TAFA2: variants seen among roughly 807,000 people sequenced by gnomAD.
TAFA2 encodes TAFA chemokine like family member 2.
Under a neutral mutation model 18.8 loss-of-function variants are expected in TAFA2, and 7 were observed. The observed-to-expected ratio is 0.37, with a 90% CI of 0.21 to 0.70. The LOEUF is 0.70. Among genes scored for constraint, TAFA2 ranks in the 30% least tolerant of loss-of-function variants. The pLI is 0.53. For missense variants in TAFA2, 122 were observed against 158.1 expected (o/e 0.77, Z 1.23); for synonymous variants, 60 against 54.2 (o/e 1.11, Z -0.47).
intron 1 of TAFA2, among the ~76,000 whole-genome samples, chr12:62,146,276 C>T (rs1028996978): frequency 6.0e-5 from 8 of 133,744 alleles, no homozygotes; most frequent in Non-Finnish European, 1.2e-4. Context: ...GCTTTCTCCC[C>T]TTTGCTGCTT....
chr12:62,210,617 G>A (rs1183802020), intron 1 of TAFA2, among the ~76,000 whole-genome samples: 1 of 152,124 alleles, frequency 6.6e-6, no homozygotes, highest in Non-Finnish European at 1.5e-5. Flanking sequence ...TCATGCCAGA[G>A]GTTCCGGAGT....
intron 1 of TAFA2, among the ~76,000 whole-genome samples, chr12:61,992,035 T>C (rs959078540): frequency 4.6e-5 from 7 of 152,218 alleles, no homozygotes; most frequent in Non-Finnish European, 8.8e-5. Flanking sequence ...AACTCAGGTC[T>C]TGATCCTCAC....
intron 1 of TAFA2, among the ~76,000 whole-genome samples, chr12:62,001,161 T>A (rs904013727): frequency 6.6e-6 from 1 of 152,106 alleles, no homozygotes; most frequent in South Asian, 2.1e-4. Context: ...TTGCTAAAAT[T>A]TTTTGTTCCT....
intron 1 of TAFA2, among the ~76,000 whole-genome samples, chr12:62,075,678 G>A (rs75467219): frequency 1.3e-5 from 2 of 152,060 alleles, no homozygotes; most frequent in Admixed American, 6.6e-5. Flanking sequence ...ACACATACAC[G>A]CATATATATA....
chr12:62,081,072 G>A (rs1212568902), intron 1 of TAFA2, among the ~76,000 whole-genome samples: 3 of 151,952 alleles, frequency 2.0e-5, no homozygotes, highest in Admixed American at 6.6e-5. Context: ...GGGGGCGCCT[G>A]TAGTCCCAGC....
intron 1 of TAFA2, among the ~76,000 whole-genome samples, chr12:61,947,533 C>G (rs1361416427): frequency 1.3e-5 from 2 of 151,860 alleles, no homozygotes; most frequent in Non-Finnish European, 2.9e-5. Context: ...CTCACAAAAC[C>G]TGAAAACTAA....
chr12:62,080,500 T>C (rs1221455855), intron 1 of TAFA2, among the ~76,000 whole-genome samples: 1 of 149,078 alleles, frequency 6.7e-6, no homozygotes, highest in Non-Finnish European at 1.5e-5. Flanking sequence ...AATTGAATTA[T>C]CCCCTGGGTA....
intron 1 of TAFA2, among the ~76,000 whole-genome samples, chr12:62,040,099 C>A (rs960905768): frequency 1.3e-5 from 2 of 152,162 alleles, no homozygotes; most frequent in Non-Finnish European, 2.9e-5. Context: ...AAATAAACAT[C>A]TGTGATGTCT....
At chr12:61,772,586 G>T (rs12367913) in intron 2 of TAFA2, among the ~76,000 whole-genome samples, 1 of 151,664 alleles carries the variant, frequency 6.6e-6, no homozygotes, top group Admixed American at 6.6e-5. Context: ...GCATTACAGC[G>T]CATAAAGAAT....
At chr12:61,717,767 A>T (rs955488455) in intron 4 of TAFA2, among the ~76,000 whole-genome samples, 2 of 152,172 alleles carry the variant, frequency 1.3e-5, no homozygotes, top group African/African-American at 2.4e-5. Flanking sequence ...AGAATACCAG[A>T]TATGCCTGAA....
rs1325551997 is a variant in TAFA2 at position 61,876,464 on chromosome 12, G to A, written c.-1-9038C>T. Among the ~76,000 whole-genome samples, 8 of 152,080 alleles carry A rather than the reference G, an allele frequency of 5.3e-5. No homozygotes were observed. In the South Asian group the frequency reaches 1.7e-3, roughly 32 times the overall value. ...TTTATGCATTTAACCATCCAGTATG[G>A]TCAATATGCCAGCCAGCACTAGCTA... is the stretch of plus-strand genomic sequence containing the variant. On this transcript the variant is annotated intron_variant, in intron 1 of 4. Transcript: ENST00000416284.
intron 1 of TAFA2, among the ~76,000 whole-genome samples, chr12:62,056,960 T>C (rs1231115816): frequency 6.6e-6 from 1 of 152,186 alleles, no homozygotes; most frequent in African/African-American, 2.4e-5. Flanking sequence ...AGGCCTGTAG[T>C]TTTTAGTCTC....
At chr12:61,960,418 G>A (rs544878003) in intron 1 of TAFA2, among the ~76,000 whole-genome samples, 77 of 151,922 alleles carry the variant, frequency 5.1e-4, no homozygotes, top group Non-Finnish European at 9.4e-4. Context: ...TAACACTGCT[G>A]GACATATTTT....
chr12:61,859,798 G>T (rs1250853007), intron 2 of TAFA2, among the ~76,000 whole-genome samples: 1 of 152,188 alleles, frequency 6.6e-6, no homozygotes, highest in Non-Finnish European at 1.5e-5. Flanking sequence ...AGATACCTCT[G>T]TGGGAAGAGG....
At chr12:62,134,283 A>C (rs749801199) in intron 1 of TAFA2, among the ~76,000 whole-genome samples, 13 of 151,714 alleles carry the variant, frequency 8.6e-5, no homozygotes, top group Non-Finnish European at 1.6e-4. Flanking sequence ...GGGCTTTGGG[A>C]GGTAATTAGG....
intron 1 of TAFA2, among the ~76,000 whole-genome samples, chr12:62,086,428 A>C (rs758216348): frequency 2.6e-5 from 4 of 152,174 alleles, no homozygotes; most frequent in Admixed American, 6.5e-5. Flanking sequence ...AGCATATATA[A>C]AGAACTCCTA....
chr12:61,764,207 C>T (rs529686008), intron 2 of TAFA2, among the ~76,000 whole-genome samples: 2 of 130,594 alleles, frequency 1.5e-5, no homozygotes, highest in Admixed American at 8.2e-5. Flanking sequence ...GAGAAATGGT[C>T]CATTTTAGAT....
At chr12:62,207,760 C>G (rs1403899277) in intron 1 of TAFA2, among the ~76,000 whole-genome samples, 2 of 152,140 alleles carry the variant, frequency 1.3e-5, no homozygotes, top group East Asian at 3.9e-4. Context: ...CCAGAAGTCC[C>G]AGCTCTTCAT....
intron 1 of TAFA2, among the ~76,000 whole-genome samples, chr12:62,006,428 T>C (rs184920890): frequency 6.6e-6 from 1 of 152,258 alleles, no homozygotes; most frequent in African/African-American, 2.4e-5. Flanking sequence ...AGCCTACAAA[T>C]GATTGATTTA....
Sources: allele counts gnomAD v4.1 joint callset (sites outside exome capture counted in the v4.1 genomes callset), GRCh38; gene constraint gnomAD v4.1.1; transcripts MANE v1.5; gene names NCBI Gene and HGNC (gene_info 2026-07-23, HGNC 2026-07-21).